The following B3GAT2 variants were observed in gnomAD, a reference collection of about 807,000 sequenced individuals.
B3GAT2 encodes galactosylgalactosylxylosylprotein 3-beta-glucuronosyltransferase 2.
In B3GAT2, 26 loss-of-function variants were observed where a neutral mutation model predicts 27.8. The ratio of observed to expected loss-of-function variants is 0.93; its 90% CI spans 0.68 to 1.30. B3GAT2 has a LOEUF of 1.30. Ranked by LOEUF, B3GAT2 falls within the 50% of genes most tolerant of loss-of-function variation. B3GAT2 has a pLI of 0.00. For missense variants in B3GAT2, 458 were observed against 459.0 expected (o/e 1.00, Z 0.02); for synonymous variants, 218 against 195.1 (o/e 1.12, Z -0.98).
intron 2 of B3GAT2, among the ~76,000 whole-genome samples, chr6:70,871,214 TTTTTTTTG>T (rs1562214411): frequency 5.6e-5 from 6 of 107,408 alleles, no homozygotes; most frequent in Admixed American, 2.8e-4. Context: ...GTCTGTTTTT[TTTTTTTTG>T]TTTTTTTTTT....
chr6:70,884,095 C>CAAAAAAAAAAAAAAAAAAA (rs70990339), intron 2 of B3GAT2, among the ~76,000 whole-genome samples: 1 of 100,694 alleles, frequency 9.9e-6, no homozygotes, highest in African/African-American at 3.9e-5. Flanking sequence ...CCTCAAGACT[C>CAAAAAAAAAAAAAAAAAAA]AAAAAAAAAA....
chr6:70,947,033 C>A (rs1424350548), intron 1 of B3GAT2, among the ~76,000 whole-genome samples: 1 of 151,826 alleles, frequency 6.6e-6, no homozygotes, highest in Non-Finnish European at 1.5e-5. Context: ...TTGAAACCAA[C>A]GAGAACAAAG....
chr6:70,925,096 C>T (rs1278716772), intron 1 of B3GAT2, among the ~76,000 whole-genome samples: 1 of 152,222 alleles, frequency 6.6e-6, no homozygotes, highest in Non-Finnish European at 1.5e-5. Flanking sequence ...TGTGATTGCA[C>T]CGCCAACCAA....
intron 2 of B3GAT2, among the ~76,000 whole-genome samples, chr6:70,887,112 A>C (rs1231823585): frequency 6.6e-6 from 1 of 152,236 alleles, no homozygotes; most frequent in African/African-American, 2.4e-5. Flanking sequence ...GAATGACTCC[A>C]AAGTGGCAGG....
intron 2 of B3GAT2, among the ~76,000 whole-genome samples, chr6:70,889,749 G>T (rs1369850819): frequency 6.6e-6 from 1 of 150,738 alleles, no homozygotes; most frequent in Non-Finnish European, 1.5e-5. Flanking sequence ...GCCTTTCCCA[G>T]ATCAAATCTC....
intron 2 of B3GAT2, among the ~76,000 whole-genome samples, chr6:70,870,312 G>T (rs1244530485): frequency 1.4e-5 from 2 of 147,338 alleles, no homozygotes; most frequent in Non-Finnish European, 1.5e-5. Context: ...AACACCGCAT[G>T]TTCTCACTCA....
chr6:70,925,563 G>A (rs1459494385), intron 1 of B3GAT2, among the ~76,000 whole-genome samples: 1 of 152,164 alleles, frequency 6.6e-6, no homozygotes, highest in East Asian at 1.9e-4. Flanking sequence ...ACAGCAGTCC[G>A]AGATCAAACT....
intron 2 of B3GAT2, among the ~76,000 whole-genome samples, chr6:70,882,227 T>G (rs547272046): frequency 6.6e-6 from 1 of 151,982 alleles, no homozygotes; most frequent in Non-Finnish European, 1.5e-5. Flanking sequence ...GTACGCTGGG[T>G]GTGGTGGCTC....
In B3GAT2 at chr6:70,856,916, GATTT is replaced by G; in HGVS notation, c.*4743_*4746del. The G allele has an allele frequency of 3.7e-6, 6 of 1,613,906 alleles. No individual in the cohort carries two copies. Among genetic ancestry groups the G allele is most frequent in the Non-Finnish European group, 5.1e-6 (6 of 1,179,830 alleles). ...GTCTACAGTAACATCTGGGGATCTA[GATTT>G]ATTCACTGAGCAAACTACAAAATCA... is the stretch of plus-strand genomic sequence containing the variant. On this transcript the variant is annotated 3_prime_UTR_variant, in exon 4 of 4. Coordinates refer to ENST00000230053, the MANE Select transcript of B3GAT2 (RefSeq NM_080742.3).
intron 1 of B3GAT2, among the ~76,000 whole-genome samples, chr6:70,947,743 C>A (rs1352158532): frequency 1.3e-5 from 2 of 151,854 alleles, no homozygotes; most frequent in Non-Finnish European, 2.9e-5. Context: ...AGGCCAGCAT[C>A]ATCCTGATAC....
At chr6:70,928,520 C>T (rs548921999) in intron 1 of B3GAT2, among the ~76,000 whole-genome samples, 31 of 152,214 alleles carry the variant, frequency 2.0e-4, no homozygotes, top group Non-Finnish European at 3.7e-4. Flanking sequence ...ACCAATCCCA[C>T]GGAAATACAA....
Position 70,859,895 on chromosome 6 carries a change from C to T in B3GAT2, c.*1768G>A. The T allele has an allele frequency of 4.3e-6, 1 of 232,634 alleles. No homozygotes were observed. The highest frequency in any genetic ancestry group is 8.3e-6 in the Non-Finnish European group (1 of 120,144). The allele number at this position is 232,634 out of a possible 1,614,324, so 14.4% of individuals were successfully genotyped here. Reference sequence around the variant, plus strand: ...TTTTCTTACTCCTTAGTAGTTAAAGCACAATATCCTAGTGTAGGTGAAAGT... The same window carrying T: ...TTTTCTTACTCCTTAGTAGTTAAAGTACAATATCCTAGTGTAGGTGAAAGT... On this transcript the variant is annotated 3_prime_UTR_variant, in exon 4 of 4. Coordinates refer to ENST00000230053, the MANE Select transcript of B3GAT2 (RefSeq NM_080742.3).
chr6:70,947,671 A>G (rs1197814664), intron 1 of B3GAT2, among the ~76,000 whole-genome samples: 6 of 151,232 alleles, frequency 4.0e-5, no homozygotes, highest in Admixed American at 3.9e-4. Context: ...AACTGGTACC[A>G]TTCCTTCTGA....
chr6:70,924,601 A>G (rs1388963891), intron 1 of B3GAT2, among the ~76,000 whole-genome samples: 1 of 152,188 alleles, frequency 6.6e-6, no homozygotes, highest in Admixed American at 6.5e-5. Flanking sequence ...AATAAACCCT[A>G]TGCAACCACC....
At chr6:70,912,788 A>G (rs1772708863) in intron 1 of B3GAT2, among the ~76,000 whole-genome samples, 1 of 152,108 alleles carries the variant, frequency 6.6e-6, no homozygotes. Context: ...TTGGTTGTGG[A>G]TCCATCTGGT....
At chr6:70,925,328 G>C (rs1034628936) in intron 1 of B3GAT2, among the ~76,000 whole-genome samples, 11 of 152,228 alleles carry the variant, frequency 7.2e-5, no homozygotes, top group African/African-American at 4.8e-5. Flanking sequence ...CATGGAGTGT[G>C]AGCCAAAGTA....
At chr6:70,941,611 T>A (rs1464451182) in intron 1 of B3GAT2, among the ~76,000 whole-genome samples, 1 of 152,176 alleles carries the variant, frequency 6.6e-6, no homozygotes. Flanking sequence ...ATAAAAGCTC[T>A]TAGAATCAGA....
intron 1 of B3GAT2, among the ~76,000 whole-genome samples, chr6:70,948,031 C>T (rs1054122331): frequency 1.2e-4 from 19 of 152,074 alleles, no homozygotes; most frequent in African/African-American, 4.1e-4. Context: ...AATTCAACAA[C>T]CCTTCATGCT....
intron 2 of B3GAT2, among the ~76,000 whole-genome samples, chr6:70,871,219 T>G (rs530374292): frequency 2.1e-3 from 127 of 61,508 alleles, no homozygotes; most frequent in East Asian, 5.6e-3. Flanking sequence ...TTTTTTTTTT[T>G]TTGTTTTTTT....
Sources: allele counts gnomAD v4.1 joint callset (sites outside exome capture counted in the v4.1 genomes callset), GRCh38; gene constraint gnomAD v4.1.1; transcripts MANE v1.5; gene names NCBI Gene and HGNC (gene_info 2026-07-23, HGNC 2026-07-21).